Variants in DPY19L1 observed in about 807,000 individuals in gnomAD.
The protein encoded by DPY19L1 is protein C-mannosyl-transferase DPY19L1.
Under a neutral mutation model 96.9 loss-of-function variants are expected in DPY19L1, and 35 were observed. The ratio of observed to expected loss-of-function variants is 0.36; its 90% CI spans 0.28 to 0.48. DPY19L1 has a LOEUF of 0.48. Among genes scored for constraint, DPY19L1 ranks in the 20% least tolerant of loss-of-function variants. The pLI is 0.99. For missense variants in DPY19L1, 521 were observed against 777.9 expected (o/e 0.67, Z 3.93); for synonymous variants, 205 against 252.6 (o/e 0.81, Z 1.79).
chr7:34,937,507 T>C (rs1313367489), intron 21 of DPY19L1, among the ~76,000 whole-genome samples: 2 of 152,160 alleles, frequency 1.3e-5, no homozygotes, highest in Admixed American at 1.3e-4. Flanking sequence ...CAAAGGCAAA[T>C]ATGAACAATT....
chr7:35,013,525 T>C (rs758806343), intron 4 of DPY19L1, 43 bp downstream of exon 4: 9 of 1,576,162 alleles, frequency 5.7e-6, no homozygotes, highest in Non-Finnish European at 7.8e-6. Flanking sequence ...TACAAAAAAG[T>C]TTTTACAAAA....
intron 1 of DPY19L1, among the ~76,000 whole-genome samples, chr7:35,021,877 G>A (rs1786003222): frequency 6.6e-6 from 1 of 152,074 alleles, no homozygotes; most frequent in Non-Finnish European, 1.5e-5. Flanking sequence ...TGTTGATATA[G>A]GAAGTATATT....
chr7:34,979,154 T>C (rs1472616874), intron 7 of DPY19L1, among the ~76,000 whole-genome samples: 1 of 152,138 alleles, frequency 6.6e-6, no homozygotes, highest in Admixed American at 6.5e-5. Flanking sequence ...TGAAACTTTG[T>C]TGAAAAAGCG....
At chr7:34,954,067 T>G (rs1348835105) in intron 13 of DPY19L1, among the ~76,000 whole-genome samples, 1 of 152,204 alleles carries the variant, frequency 6.6e-6, no homozygotes, top group African/African-American at 2.4e-5. Flanking sequence ...TTGGTTCTTG[T>G]GCTGCTTTTT....
At chr7:34,939,194 C>T (rs1783939174) in intron 20 of DPY19L1, 82 bp downstream of exon 20, 2 of 1,239,876 alleles carry the variant, frequency 1.6e-6, no homozygotes, top group Non-Finnish European at 2.3e-6. Context: ...TTGAAACATT[C>T]CTTATTACTT....
At chr7:34,975,006 C>T (rs996525892) in intron 7 of DPY19L1, among the ~76,000 whole-genome samples, 2 of 152,142 alleles carry the variant, frequency 1.3e-5, no homozygotes, top group African/African-American at 4.8e-5. Context: ...TGTGTTCTAA[C>T]TGCTCCACCA....
chr7:34,955,982 G>C (rs1287525010), intron 11 of DPY19L1, among the ~76,000 whole-genome samples: 1 of 152,014 alleles, frequency 6.6e-6, no homozygotes, highest in Non-Finnish European at 1.5e-5. Flanking sequence ...ATAAATATAT[G>C]CAAATGTGTG....
Position 35,010,603 on chromosome 7 carries a change from C to CA in DPY19L1, c.671-43dup, listed in dbSNP as rs773067331. 6.3e-6 allele frequency: 8 copies of CA among 1,261,816 alleles called. No homozygotes were observed. In the African/African-American group the frequency reaches 1.2e-4, roughly 19 times the overall value. 78.2% of individuals were successfully genotyped at this position (1,261,816 alleles called of 1,614,324 possible). A position where few individuals can be genotyped will look rare whatever the true frequency, so the allele number is the denominator to read the frequency against. ...AACATATGTTCTAATCACATTAACC[C>CA]AAATTACCTTACGTGTCTAGCAATT... is the stretch of plus-strand genomic sequence containing the variant. On this transcript the variant is annotated intron_variant, in intron 5 of 21. Coordinates refer to ENST00000638088, the MANE Select transcript of DPY19L1 (RefSeq NM_001366673.1).
chr7:34,946,770 G>C (rs1190434238), intron 15 of DPY19L1, among the ~76,000 whole-genome samples: 1 of 152,190 alleles, frequency 6.6e-6, no homozygotes, highest in Non-Finnish European at 1.5e-5. Flanking sequence ...GACATGATGC[G>C]AGGCTCCTAA....
chr7:34,942,660 T>C (rs377706763), intron 16 of DPY19L1, 21 bp from the exon 17 acceptor site: 17 of 1,585,312 alleles, frequency 1.1e-5, no homozygotes, highest in African/African-American at 6.8e-5. Context: ...AAAAAATATA[T>C]TGCCATCAAT....
chr7:35,013,487 A>G (rs1785765021), intron 4 of DPY19L1, 81 bp downstream of exon 4: 4 of 1,079,788 alleles, frequency 3.7e-6, no homozygotes, highest in South Asian at 2.9e-5. Context: ...ATATTGAATT[A>G]TATCTTAGAT....
intron 1 of DPY19L1, among the ~76,000 whole-genome samples, chr7:35,023,123 G>A (rs2128681377): frequency 6.6e-6 from 1 of 152,246 alleles, no homozygotes; most frequent in East Asian, 1.9e-4. Context: ...CAGGTGGAAA[G>A]GACGAAGACA....
intron 13 of DPY19L1, among the ~76,000 whole-genome samples, chr7:34,951,631 C>T (rs1305097383): frequency 3.3e-5 from 5 of 151,726 alleles, no homozygotes; most frequent in Admixed American, 6.6e-5. Flanking sequence ...CTAAGTATTT[C>T]CCTTGGGCAT....
intron 9 of DPY19L1, among the ~76,000 whole-genome samples, 187 bp from the exon 10 acceptor site, chr7:34,967,158 T>C (rs1784628681): frequency 6.6e-6 from 1 of 152,184 alleles, no homozygotes; most frequent in African/African-American, 2.4e-5. Flanking sequence ...TTGGTTGATT[T>C]TTCTCTCTGA....
rs186236626 is a variant in DPY19L1, at chr7:34,984,431, T to C, written c.822+5453A>G. Among the ~76,000 whole-genome samples the C allele has an allele frequency of 2.6e-3, 393 of 152,262 alleles. 1 individual carries two copies. The highest frequency in any genetic ancestry group is 8.5e-3 in the African/African-American group (354 of 41,558). ...TGGAAACAGAAGAAAGAAGGGCCAATAGGGCTGAAGCAAAGCAATCAAAAA... is the reference window on the plus strand; with the variant it reads ...TGGAAACAGAAGAAAGAAGGGCCAACAGGGCTGAAGCAAAGCAATCAAAAA... On this transcript the variant is annotated intron_variant, in intron 7 of 21. Coordinates refer to ENST00000638088, the MANE Select transcript of DPY19L1 (RefSeq NM_001366673.1).
chr7:35,021,890 A>G (rs1181769266), intron 1 of DPY19L1, among the ~76,000 whole-genome samples: 1 of 152,226 alleles, frequency 6.6e-6, no homozygotes, highest in African/African-American at 2.4e-5. Context: ...AGTATATTTT[A>G]TAGAGGCTAT....
At chr7:34,991,313 A>C (rs1211380788) in intron 6 of DPY19L1, among the ~76,000 whole-genome samples, 1 of 152,254 alleles carries the variant, frequency 6.6e-6, no homozygotes, top group Non-Finnish European at 1.5e-5. Flanking sequence ...GTCAGTAATC[A>C]TAAGACTGTG....
At chr7:34,947,927 T>G (rs1266836642) in intron 14 of DPY19L1, among the ~76,000 whole-genome samples, 4 of 152,110 alleles carry the variant, frequency 2.6e-5, no homozygotes, top group African/African-American at 9.7e-5. Flanking sequence ...CCTGTAAGTG[T>G]GAAATGTCAC....
At chr7:34,979,656 G>C (rs182470036) in intron 7 of DPY19L1, among the ~76,000 whole-genome samples, 2 of 152,150 alleles carry the variant, frequency 1.3e-5, no homozygotes, top group African/African-American at 4.8e-5. Flanking sequence ...GAGTTTGAAA[G>C]GAAGTGTTCA....
Sources: allele counts gnomAD v4.1 joint callset (sites outside exome capture counted in the v4.1 genomes callset), GRCh38; gene constraint gnomAD v4.1.1; transcripts MANE v1.5; gene names NCBI Gene and HGNC (gene_info 2026-07-23, HGNC 2026-07-21).